The following CHIC1 variants were observed in gnomAD, a reference collection of about 807,000 sequenced individuals.
The protein encoded by CHIC1 is cysteine-rich hydrophobic domain-containing protein 1.
Under a neutral mutation model 18.5 loss-of-function variants are expected in CHIC1, and 7 were observed. The ratio of observed to expected loss-of-function variants is 0.38; its 90% CI spans 0.22 to 0.71. The LOEUF is 0.71. Ranked by LOEUF, CHIC1 falls within the 30% of genes least tolerant of loss-of-function variation. The pLI is 0.49. For synonymous variants in CHIC1, 77 were observed against 73.5 expected (o/e 1.05, Z -0.25); for missense variants, 159 against 176.9 (o/e 0.90, Z 0.57).
chrX:73,647,286 C>G (rs753138402), intron 3 of CHIC1, among the ~76,000 whole-genome samples: 1 of 112,195 alleles, frequency 8.9e-6, no homozygotes, highest in South Asian at 3.7e-4. Context: ...GATTAAGTTT[C>G]TAGTTAGAAC....
At position 73,685,681 on chromosome X, in the gene CHIC1, G is replaced by A. The variant is rs757979966; in HGVS notation, c.*4676G>A. On this transcript the variant is annotated 3_prime_UTR_variant, in exon 6 of 6. Transcript: ENST00000373502. ...TGAGGATATTTTCATATATTAGTGT[G>A]CTTTGAAGTTGACTGAAAGATATAC... is the stretch of plus-strand genomic sequence containing the variant. The A allele has an allele frequency of 9.0e-6, 1 of 111,507 alleles. No homozygotes were observed. Among genetic ancestry groups the A allele is most frequent in the Non-Finnish European group, 1.9e-5 (1 of 52,931 alleles). 9.2% of individuals were successfully genotyped at this position (111,507 alleles called of 1,213,427 possible). A position where few individuals can be genotyped will look rare whatever the true frequency, so the allele number is the denominator to read the frequency against.
chrX:73,611,766 GC>G (rs1453607587), intron 3 of CHIC1, among the ~76,000 whole-genome samples: 8 of 107,982 alleles, frequency 7.4e-5, no homozygotes, highest in African/African-American at 2.9e-4. Flanking sequence ...TTCTCTGATG[GC>G]CAGTGATGAT....
rs181272825 is a variant in CHIC1 at position 73,586,596 on chromosome X, A to T, written c.507+2024A>T. Reference sequence around the variant, plus strand: ...CTATAATAGTTTAATTGGAAGTATGATTCACATTCATATAGTTCAAATCCC... The same window carrying T: ...CTATAATAGTTTAATTGGAAGTATGTTTCACATTCATATAGTTCAAATCCC... On this transcript the variant is annotated intron_variant, in intron 3 of 5. Coordinates refer to ENST00000373502, the MANE Select transcript of CHIC1 (RefSeq NM_001039840.4). Among the ~76,000 whole-genome samples the T allele has an allele frequency of 8.8e-3, 985 of 112,034 alleles. 17 individuals are homozygous for T. The highest frequency in any genetic ancestry group is 0.028 in the African/African-American group (879 of 30,935).
Position 73,683,807 on chromosome X carries a change from A to G in CHIC1, c.*2802A>G, listed in dbSNP as rs746417230. 8.9e-6 allele frequency: 1 copy of G among 111,913 alleles called. No homozygotes were observed. The highest frequency in any genetic ancestry group is 3.2e-5 in the African/African-American group (1 of 30,908). 9.2% of individuals were successfully genotyped at this position (111,913 alleles called of 1,213,427 possible). A position where few individuals can be genotyped will look rare whatever the true frequency, so the allele number is the denominator to read the frequency against. ...TAAATTTGTCCAACTGGCTATTTTTAAGCTTGTCCTAAAAGCCAATAACAT... is the reference window on the plus strand; with the variant it reads ...TAAATTTGTCCAACTGGCTATTTTTGAGCTTGTCCTAAAAGCCAATAACAT... On this transcript the variant is annotated 3_prime_UTR_variant, in exon 6 of 6. Coordinates refer to ENST00000373502, the MANE Select transcript of CHIC1 (RefSeq NM_001039840.4).
At chrX:73,661,568 A>G (rs1382921019) in intron 3 of CHIC1, among the ~76,000 whole-genome samples, 2 of 112,063 alleles carry the variant, frequency 1.8e-5, no homozygotes, top group African/African-American at 6.5e-5. Flanking sequence ...CCAATGGGCC[A>G]GGCAGTGAGC....
At chrX:73,644,359 C>T (rs761627776) in intron 3 of CHIC1, among the ~76,000 whole-genome samples, 158 of 112,276 alleles carry the variant, frequency 1.4e-3, no homozygotes, top group Admixed American at 2.6e-3. Flanking sequence ...GCAGTCTGCC[C>T]GTTCTCAGAT....
chrX:73,658,248 GTTTTTTTTTTTTTTTT>G (rs869309622), intron 3 of CHIC1, among the ~76,000 whole-genome samples: 8 of 16,712 alleles, frequency 4.8e-4, no homozygotes, highest in East Asian at 2.7e-3. Flanking sequence ...CTGGTCCTAG[GTTTTTTTTTTTTTTTT>G]TTTTTTTTTT....
intron 3 of CHIC1, among the ~76,000 whole-genome samples, chrX:73,659,370 CTTTTTTTTTTTTTT>C (rs149705423): frequency 2.8e-5 from 1 of 35,183 alleles, no homozygotes; most frequent in Non-Finnish European, 4.8e-5. Flanking sequence ...TTCCCCTTTT[CTTTTTTTTTTTTTT>C]TTTTTTTTTG....
chrX:73,623,862 A>G (rs977247990), intron 3 of CHIC1, among the ~76,000 whole-genome samples: 7 of 111,598 alleles, frequency 6.3e-5, no homozygotes, highest in African/African-American at 1.3e-4. Context: ...ATTATTGTAA[A>G]CCAATTAAAG....
intron 3 of CHIC1, among the ~76,000 whole-genome samples, chrX:73,618,475 G>T (rs1244538615): frequency 9.0e-6 from 1 of 111,375 alleles, no homozygotes; most frequent in Admixed American, 9.5e-5. Context: ...TGGGGGTGTG[G>T]TTCTCAGGCC....
At chrX:73,567,025 T>G (rs957428405) in intron 1 of CHIC1, among the ~76,000 whole-genome samples, 2 of 111,802 alleles carry the variant, frequency 1.8e-5, no homozygotes, top group East Asian at 2.8e-4. Context: ...CCTTGGCCAC[T>G]TCATTCTCCT....
At chrX:73,658,248 GTTT>G (rs869309622) in intron 3 of CHIC1, among the ~76,000 whole-genome samples, 86 of 16,702 alleles carry the variant, frequency 5.1e-3, no homozygotes, top group African/African-American at 0.016. Flanking sequence ...CTGGTCCTAG[GTTT>G]TTTTTTTTTT....
intron 3 of CHIC1, among the ~76,000 whole-genome samples, chrX:73,630,768 T>C (rs2057803252): frequency 8.9e-6 from 1 of 112,186 alleles, no homozygotes; most frequent in Admixed American, 9.5e-5. Flanking sequence ...ATATTTGGAA[T>C]TGTTTCCTCC....
intron 3 of CHIC1, among the ~76,000 whole-genome samples, chrX:73,659,552 G>T (rs970194357): frequency 9.1e-5 from 10 of 110,146 alleles, no homozygotes; most frequent in Non-Finnish European, 1.7e-4. Context: ...GCCTTAGATT[G>T]TCTCCTTAAT....
intron 3 of CHIC1, among the ~76,000 whole-genome samples, chrX:73,673,294 G>T (rs1259122702): frequency 1.8e-5 from 2 of 111,704 alleles, no homozygotes; most frequent in African/African-American, 6.5e-5. Flanking sequence ...GAAAGTCCTT[G>T]GTAACTTGAT....
chrX:73,643,783 A>G (rs1487801814), intron 3 of CHIC1, among the ~76,000 whole-genome samples: 1 of 111,004 alleles, frequency 9.0e-6, no homozygotes, highest in Non-Finnish European at 1.9e-5. Context: ...TTTTTTTTCA[A>G]AGTTTTTAAC....
intron 3 of CHIC1, among the ~76,000 whole-genome samples, chrX:73,660,801 C>T (rs2069664530): frequency 8.9e-6 from 1 of 111,814 alleles, no homozygotes; most frequent in African/African-American, 3.2e-5. Context: ...AGCATATCCT[C>T]TTCCCCACAT....
intron 1 of CHIC1, 97 bp downstream of exon 1, chrX:73,563,677 C>T: frequency 2.4e-6 from 2 of 843,900 alleles, no homozygotes; most frequent in Non-Finnish European, 3.1e-6. Flanking sequence ...GGAGGGTTGA[C>T]TGATTGACTG....
At chrX:73,571,757 G>A (rs915086615) in intron 1 of CHIC1, among the ~76,000 whole-genome samples, 11 of 110,283 alleles carry the variant, frequency 1.0e-4, no homozygotes, top group Admixed American at 9.6e-4. Flanking sequence ...TTATTTACTC[G>A]ACTATTTTAA....
Sources: gnomAD v4.1 joint callset for allele counts (sites outside exome capture counted in the v4.1 genomes callset) on GRCh38, gnomAD v4.1.1 for gene constraint, MANE v1.5 for transcripts, NCBI Gene and HGNC (gene_info 2026-07-23, HGNC 2026-07-21) for gene names.